SCUBE2: variants seen among roughly 807,000 people sequenced by gnomAD.
The protein encoded by SCUBE2 is signal peptide, CUB and EGF-like domain-containing protein 2.
In SCUBE2, 114 loss-of-function variants were observed where a neutral mutation model predicts 125.9. That is an observed-to-expected ratio of 0.91 (90% CI 0.78 to 1.06). The LOEUF (loss-of-function observed/expected upper bound fraction) is 1.06. Ranked by LOEUF, SCUBE2 falls within the 50% of genes least tolerant of loss-of-function variation. The pLI, the probability that SCUBE2 is intolerant of heterozygous loss-of-function variation, is 0.00. For synonymous variants in SCUBE2, 459 were observed against 492.9 expected (o/e 0.93, Z 0.91); for missense variants, 1,255 against 1,301.8 (o/e 0.96, Z 0.55).
In SCUBE2 at chr11:9,030,803, T is replaced by C. The variant is rs760741438; in HGVS notation, c.2296A>G (p.Thr766Ala). 18 of 1,614,066 alleles carry C rather than the reference T, an allele frequency of 1.1e-5. No individual in the cohort carries two copies. Among genetic ancestry groups the C allele is most frequent in the Non-Finnish European group, 1.4e-5 (17 of 1,180,022 alleles). Residue 766 changes from threonine to alanine, a missense_variant, in exon 18 of 23, where the codon ACC (threonine) becomes GCC (alanine). Around this residue, in one of 3 missense-constraint regions of SCUBE2, gnomAD observed 515 missense variants for 515.7 expected, o/e 1.00. Transcript: ENST00000649792. ...SCFPCGGGLA[T>A]KHQGATSFQD... is the part of the protein sequence containing the mutation. Reference sequence around the variant, plus strand: ...AAGGAAGTAGCTCCCTGATGTTTGGTGGCAAGGCCTCCTCCACAGGGGAAG... The same window carrying C: ...AAGGAAGTAGCTCCCTGATGTTTGGCGGCAAGGCCTCCTCCACAGGGGAAG...
intron 17 of SCUBE2, 101 bp from the exon 18 acceptor site, chr11:9,031,026 C>T: frequency 9.0e-7 from 1 of 1,115,756 alleles, no homozygotes. Context: ...TTACCCAGTG[C>T]TGACCGCAGT....
rs544035127 is a variant in SCUBE2 at position 9,069,466 on chromosome 11, C to T, written c.547G>A (p.Gly183Ser). The change falls in exon 5 of 23, where the codon GGC becomes AGC. Residue 183 changes from glycine to serine, a missense_variant. Transcript: ENST00000649792. ...GCCTCCTTGCAGATGTGACTACAGC[C>T]GTGATCCTTATTCATGCAGCTCAGG... Reference protein sequence around the residue: ...EGLSCMNKDHGCSHICKEAPR... With the variant: ...EGLSCMNKDHSCSHICKEAPR... 3.1e-5 allele frequency: 50 copies of T among 1,614,220 alleles called. No individual in the cohort carries two copies. The highest frequency in any genetic ancestry group is 4.5e-5 in the East Asian group (2 of 44,888).
rs1329016245 is a variant in SCUBE2 at position 9,081,292 on chromosome 11, T to C, written c.257-1783A>G. 2.6e-5 allele frequency among the ~76,000 whole-genome samples: 4 copies of C among 152,176 alleles called. No individual in the cohort carries two copies. In the East Asian group the frequency reaches 7.7e-4, roughly 29 times the overall value. On this transcript the variant is annotated intron_variant, in intron 2 of 22. Transcript: ENST00000649792. Reference sequence around the variant, plus strand: ...CCACTATTCATCTCCCTAACTCTTTTTATCTTGTAAAACTGAAACTCTGTG... The same window carrying C: ...CCACTATTCATCTCCCTAACTCTTTCTATCTTGTAAAACTGAAACTCTGTG...
intron 7 of SCUBE2, among the ~76,000 whole-genome samples, chr11:9,064,072 GGT>G (rs370068434): frequency 1.7e-4 from 26 of 151,166 alleles, no homozygotes; most frequent in African/African-American, 5.3e-4. Context: ...GGAGAGGTCA[GGT>G]GTGTGTGTGT....
Position 9,056,343 on chromosome 11 carries a change from C to T in SCUBE2, c.1091-434G>A, listed in dbSNP as rs554506184. 1.4e-4 allele frequency among the ~76,000 whole-genome samples: 21 copies of T among 152,242 alleles called. No homozygotes were observed. The South Asian group carries it at 3.1e-3, about 23-fold the overall frequency. On this transcript the variant is annotated intron_variant, in intron 9 of 22. Coordinates refer to ENST00000649792, the MANE Select transcript of SCUBE2 (RefSeq NM_001367977.2). Reference sequence around the variant, plus strand: ...ACTACGGCAAATTGAAAGGAGAAAACACTTGGTTTGGAGGTAAATCTAGTT... The same window carrying T: ...ACTACGGCAAATTGAAAGGAGAAAATACTTGGTTTGGAGGTAAATCTAGTT...
At chr11:9,071,757 G>A (rs922716057) in intron 4 of SCUBE2, among the ~76,000 whole-genome samples, 2 of 152,118 alleles carry the variant, frequency 1.3e-5, no homozygotes, top group African/African-American at 4.8e-5. Context: ...ACATAAAACG[G>A]GTAACAGGTC....
chr11:9,026,966 G>A (rs2056902), intron 20 of SCUBE2: 24,751 of 212,308 alleles, frequency 0.12, 1,672 homozygotes, highest in South Asian at 0.22. Flanking sequence ...TATGGACACT[G>A]GACCATGAAT....
chr11:9,083,388 T>TTTAG (rs1310805495), intron 2 of SCUBE2, among the ~76,000 whole-genome samples: 2 of 152,178 alleles, frequency 1.3e-5, no homozygotes, highest in Non-Finnish European at 2.9e-5. Context: ...AATATTGTAC[T>TTTAG]TTAGTTAGTA....
At chr11:9,090,667 C>T (rs1426017384) in intron 1 of SCUBE2, among the ~76,000 whole-genome samples, 1 of 151,986 alleles carries the variant, frequency 6.6e-6, no homozygotes, top group African/African-American at 2.4e-5. Context: ...TCAGATGCTG[C>T]GAAGCGGGGA....
intron 13 of SCUBE2, among the ~76,000 whole-genome samples, chr11:9,050,935 GGCAAATCCAGT>G (rs1238713599): frequency 2.0e-5 from 3 of 152,190 alleles, no homozygotes; most frequent in African/African-American, 7.2e-5. Context: ...TCATGTGAGA[GGCAAATCCAGT>G]GTTCAAATAA....
In SCUBE2 at chr11:9,027,447, T is replaced by A; in HGVS notation, c.2618A>T (p.Lys873Met). Residue 873 changes from lysine (K) to methionine (M), a missense_variant, in exon 20 of 23, where the codon AAG (lysine) becomes ATG (methionine). By Grantham distance (95) the Lys-to-Met change is moderately conservative (BLOSUM62 -1). This residue lies in a region of SCUBE2 where 515 missense variants were observed against 515.7 expected (regional missense o/e 1.00). Coordinates refer to ENST00000649792, the MANE Select transcript of SCUBE2 (RefSeq NM_001367977.2). ...ECTWTINPPP[K>M]RRILIVVPEI... is the part of the protein sequence containing the mutation. ...AGGGACCACGATCAGGATGCGGCGCTTGGGGGGTGGGTTGATGGTCCACGT... is the reference window on the plus strand; with the variant it reads ...AGGGACCACGATCAGGATGCGGCGCATGGGGGGTGGGTTGATGGTCCACGT... 6.2e-7 allele frequency: 1 copy of A among 1,614,016 alleles called. No homozygotes were observed. Among genetic ancestry groups the A allele is most frequent in the Non-Finnish European group, 8.5e-7 (1 of 1,179,994 alleles).
chr11:9,045,945 G>A (rs1407888682), intron 16 of SCUBE2, among the ~76,000 whole-genome samples: 1 of 151,328 alleles, frequency 6.6e-6, no homozygotes, highest in Non-Finnish European at 1.5e-5. Context: ...AGCATCTCAG[G>A]GACACATTCA....
At chr11:9,085,400 T>C (rs2742544) in intron 2 of SCUBE2, among the ~76,000 whole-genome samples, 27,960 of 152,116 alleles carry the variant, frequency 0.18, 2,624 homozygotes, top group South Asian at 0.28. Context: ...TTTCTGAAAT[T>C]TAAAATTATG....
Position 9,091,427 on chromosome 11 carries a change from CG to C in SCUBE2, c.101del (p.Pro34ArgfsTer13). 1 of 1,331,770 alleles carries C rather than the reference CG, an allele frequency of 7.5e-7. No individual in the cohort carries two copies. Among genetic ancestry groups the C allele is most frequent in the Non-Finnish European group, 9.6e-7 (1 of 1,042,794 alleles). 82.5% of individuals were successfully genotyped at this position (1,331,770 alleles called of 1,614,324 possible). A position where few individuals can be genotyped will look rare whatever the true frequency, so the allele number is the denominator to read the frequency against. ...GCGGCCCCGCGGCACGGCCCCGACC[CG>C]GCGGGACGGCCCCCGCCAGCAGCAG... is the stretch of plus-strand genomic sequence containing the variant. ...PLLLLAGAVP[P>X]GRGRAAGPQE... On this transcript the variant is annotated frameshift_variant, in exon 1 of 23. Transcript: ENST00000649792. LOFTEE classifies it high-confidence loss of function. This position sits in a 1 kb window ranked among gnomAD's most constrained non-coding sequence, Gnocchi z 8.5.
intron 20 of SCUBE2, 25 bp downstream of exon 20, chr11:9,027,339 A>AAGGG: frequency 6.2e-7 from 1 of 1,611,514 alleles, no homozygotes; most frequent in Non-Finnish European, 8.5e-7. Context: ...TGGCCTGAGA[A>AAGGG]AGGGAGGGAG....
intron 9 of SCUBE2, 32 bp downstream of exon 9, chr11:9,059,271 T>C (rs187332983): frequency 2.5e-6 from 4 of 1,607,268 alleles, no homozygotes; most frequent in Admixed American, 3.3e-5. Flanking sequence ...CTGTGGGCCA[T>C]TGCGCAGCAC....
intron 2 of SCUBE2, among the ~76,000 whole-genome samples, chr11:9,086,826 C>T: frequency 7.3e-6 from 1 of 136,990 alleles, no homozygotes; most frequent in Non-Finnish European, 1.5e-5. Flanking sequence ...GCATTCCAGC[C>T]TGGGTGACAG....
intron 13 of SCUBE2, among the ~76,000 whole-genome samples, chr11:9,052,177 T>A (rs952103915): frequency 7.2e-5 from 11 of 152,256 alleles, no homozygotes; most frequent in Admixed American, 5.2e-4. Context: ...CAAGCTGTAC[T>A]GTCTTGCTTT....
At chr11:9,044,455 C>T (rs574923940) in intron 16 of SCUBE2, among the ~76,000 whole-genome samples, 5 of 152,178 alleles carry the variant, frequency 3.3e-5, no homozygotes, top group Non-Finnish European at 7.4e-5. Context: ...TAGTATTGAA[C>T]TCCTGGCCTG....
Sources: allele counts gnomAD v4.1 joint callset (sites outside exome capture counted in the v4.1 genomes callset), GRCh38; gene constraint gnomAD v4.1.1; regional missense constraint gnomAD v4.1.1; non-coding constraint Gnocchi (gnomAD v3.1); transcripts MANE v1.5; gene names NCBI Gene and HGNC (gene_info 2026-07-23, HGNC 2026-07-21).